Variants in SHROOM3 observed in about 807,000 individuals in gnomAD.
SHROOM3 encodes the protein shroom family member 3.
In SHROOM3, 47 loss-of-function variants were observed where a neutral mutation model predicts 138.6. The ratio of observed to expected loss-of-function variants is 0.34; its 90% CI spans 0.27 to 0.43. The LOEUF (loss-of-function observed/expected upper bound fraction) is 0.43, where lower values mean the gene tolerates loss of function less well. Ranked by LOEUF, SHROOM3 falls within the 20% of genes least tolerant of loss-of-function variation. SHROOM3 has a pLI of 1.00. For missense variants in SHROOM3, 2,491 were observed against 2,596.5 expected, an observed-to-expected ratio of 0.96 and a Z score of 0.88; for synonymous variants, 1,062 against 1,063.3, an observed-to-expected ratio of 1.00 and a Z score of 0.02.
chr4:76,749,549 C>T (rs1205014076), intron 6 of SHROOM3, among the ~76,000 whole-genome samples: 1 of 152,226 alleles, frequency 6.6e-6, no homozygotes, highest in African/African-American at 2.4e-5. Context: ...TGGCTGATCT[C>T]ATCCAGCTCT....
intron 1 of SHROOM3, among the ~76,000 whole-genome samples, chr4:76,469,350 G>A (rs1203429449): frequency 6.6e-6 from 1 of 152,164 alleles, no homozygotes; most frequent in Non-Finnish European, 1.5e-5. Flanking sequence ...AGCCAGTGAG[G>A]GACTGCAGGT....
rs566852878 is a variant in SHROOM3, at chr4:76,781,467, C to A, written c.*2290C>A. Reference sequence around the variant, plus strand: ...TAGACATAAAAGTAATTGACTCCCACAGCACAGTAACAGGCAATGCTGCTT... The same window carrying A: ...TAGACATAAAAGTAATTGACTCCCAAAGCACAGTAACAGGCAATGCTGCTT... On this transcript the variant is annotated 3_prime_UTR_variant, in exon 11 of 11. Transcript: ENST00000296043. 1 of 152,322 alleles carries A rather than the reference C, an allele frequency of 6.6e-6. No homozygotes were observed. Among genetic ancestry groups the A allele is most frequent in the South Asian group, 2.1e-4 (1 of 4,826 alleles). The allele number at this position is 152,322 out of a possible 1,614,324, so 9.4% of individuals were successfully genotyped here. A position where few individuals can be genotyped will look rare whatever the true frequency, so the allele number is the denominator to read the frequency against.
At chr4:76,573,357 TACAA>T (rs1339132825) in intron 2 of SHROOM3, among the ~76,000 whole-genome samples, 1 of 148,374 alleles carries the variant, frequency 6.7e-6, no homozygotes, top group Non-Finnish European at 1.5e-5. Flanking sequence ...TTGTCTTCCT[TACAA>T]ACCCACTTCT....
At chr4:76,493,548 G>A (rs1731899968) in intron 1 of SHROOM3, among the ~76,000 whole-genome samples, 1 of 152,162 alleles carries the variant, frequency 6.6e-6, no homozygotes, top group Non-Finnish European at 1.5e-5. Context: ...TTCGGCTAAA[G>A]GTGAGGGGAG....
chr4:76,493,045 A>G (rs192736055), intron 1 of SHROOM3, among the ~76,000 whole-genome samples: 171 of 152,070 alleles, frequency 1.1e-3, no homozygotes, highest in African/African-American at 4.0e-3. Context: ...GCATGGTGAA[A>G]CCCCATCTCT....
intron 1 of SHROOM3, among the ~76,000 whole-genome samples, chr4:76,528,979 G>C (rs1732772262): frequency 6.6e-6 from 1 of 152,216 alleles, no homozygotes; most frequent in African/African-American, 2.4e-5. Flanking sequence ...CCTCCTCTGA[G>C]ATGGCTTTGG....
At chr4:76,471,400 C>A (rs111832566) in intron 1 of SHROOM3, among the ~76,000 whole-genome samples, 1 of 151,956 alleles carries the variant, frequency 6.6e-6, no homozygotes, top group Non-Finnish European at 1.5e-5. Flanking sequence ...CACACCACCA[C>A]GCCTGGCTAA....
At chr4:76,520,779 A>G (rs1156472396) in intron 1 of SHROOM3, among the ~76,000 whole-genome samples, 1 of 152,210 alleles carries the variant, frequency 6.6e-6, no homozygotes, top group Non-Finnish European at 1.5e-5. Context: ...ACCTCCTTCT[A>G]AACATTGACG....
chr4:76,572,936 G>T (rs953358653), intron 2 of SHROOM3, among the ~76,000 whole-genome samples: 5 of 151,920 alleles, frequency 3.3e-5, no homozygotes, highest in Non-Finnish European at 7.4e-5. Context: ...CAAAAGATTA[G>T]CCAGGTGTGG....
chr4:76,457,940 T>C (rs1342659614), intron 1 of SHROOM3, among the ~76,000 whole-genome samples: 1 of 150,140 alleles, frequency 6.7e-6, no homozygotes, highest in African/African-American at 2.5e-5. Flanking sequence ...GGATTACAGG[T>C]GCCCACCACC....
intron 1 of SHROOM3, among the ~76,000 whole-genome samples, chr4:76,474,955 A>C (rs1336986950): frequency 6.6e-6 from 1 of 151,996 alleles, no homozygotes; most frequent in Non-Finnish European, 1.5e-5. Flanking sequence ...TTTTTGAGAA[A>C]GTGAGGAATG....
chr4:76,658,502 C>T (rs1736114541), intron 2 of SHROOM3, among the ~76,000 whole-genome samples: 1 of 152,106 alleles, frequency 6.6e-6, no homozygotes, highest in Non-Finnish European at 1.5e-5. Context: ...CTCTGTTAAG[C>T]ATTAAGAATG....
intron 1 of SHROOM3, among the ~76,000 whole-genome samples, chr4:76,444,113 C>T (rs1369681317): frequency 6.6e-6 from 1 of 151,880 alleles, no homozygotes; most frequent in Non-Finnish European, 1.5e-5. Flanking sequence ...TGGGGTTTTG[C>T]TATGTTTCCC....
intron 2 of SHROOM3, among the ~76,000 whole-genome samples, chr4:76,643,147 G>C (rs760721187): frequency 6.6e-5 from 10 of 150,624 alleles, no homozygotes; most frequent in Non-Finnish European, 1.2e-4. Flanking sequence ...CTGGGAGATG[G>C]AGCTTGTGGT....
chr4:76,489,489 C>T (rs926579909), intron 1 of SHROOM3, among the ~76,000 whole-genome samples: 5 of 152,116 alleles, frequency 3.3e-5, no homozygotes, highest in Admixed American at 6.6e-5. Context: ...AAACAAAGAC[C>T]ACCACTTCTT....
chr4:76,491,241 A>G (rs1340327698), intron 1 of SHROOM3, among the ~76,000 whole-genome samples: 1 of 152,208 alleles, frequency 6.6e-6, no homozygotes, highest in Non-Finnish European at 1.5e-5. Context: ...GATGAATCCA[A>G]GATCTCCAGA....
At chr4:76,729,414 C>CTGTT (rs1484936488) in intron 3 of SHROOM3, among the ~76,000 whole-genome samples, 2 of 151,872 alleles carry the variant, frequency 1.3e-5, no homozygotes, top group Non-Finnish European at 2.9e-5. Context: ...TGTTGACTGA[C>CTGTT]TGTTTGAAAA....
intron 2 of SHROOM3, among the ~76,000 whole-genome samples, chr4:76,707,561 A>G (rs1720093998): frequency 6.6e-6 from 1 of 152,124 alleles, no homozygotes; most frequent in Admixed American, 6.6e-5. Flanking sequence ...GACTTTGTCT[A>G]TGGCAGTCTG....
chr4:76,770,534 T>C (rs1351505442), intron 9 of SHROOM3, 92 bp from the exon 10 acceptor site: 3 of 1,490,626 alleles, frequency 2.0e-6, no homozygotes, highest in Non-Finnish European at 2.8e-6. Context: ...AGCTGAGCCT[T>C]GAAGATGACA....
Sources: gnomAD v4.1 joint callset for allele counts (sites outside exome capture counted in the v4.1 genomes callset) on GRCh38, gnomAD v4.1.1 for gene constraint, MANE v1.5 for transcripts, NCBI Gene and HGNC (gene_info 2026-07-23, HGNC 2026-07-21) for gene names.